The following ARHGAP42 variants were observed in gnomAD, a reference collection of about 807,000 sequenced individuals.
ARHGAP42 encodes Rho GTPase activating protein 42.
A neutral mutation model predicts 125.0 loss-of-function variants in ARHGAP42; 63 were observed. The ratio of observed to expected loss-of-function variants is 0.50; its 90% confidence interval spans 0.41 to 0.62. The LOEUF (loss-of-function observed/expected upper bound fraction) is 0.62. Ranked by LOEUF, ARHGAP42 falls within the 20% of genes least tolerant of loss-of-function variation. The pLI, the probability that ARHGAP42 is intolerant of heterozygous loss-of-function variation, is 0.00. For synonymous variants in ARHGAP42, 339 were observed against 351.0 expected (o/e 0.97, Z 0.38); for missense variants, 766 against 1,024.2 (o/e 0.75, Z 3.44).
intron 1 of ARHGAP42, among the ~76,000 whole-genome samples, chr11:100,740,066 AT>A (rs34223817): frequency 0.077 from 11,097 of 143,326 alleles, 457 homozygotes; most frequent in East Asian, 0.22. Flanking sequence ...TATTAGTACA[AT>A]TTTTTTTTTT....
At chr11:100,888,231 C>T (rs1453968165) in intron 4 of ARHGAP42, among the ~76,000 whole-genome samples, 4 of 128,962 alleles carry the variant, frequency 3.1e-5, no homozygotes, top group Admixed American at 1.8e-4. Context: ...AACAGCCTTT[C>T]CTTTTAAAAA....
At chr11:100,727,873 A>G (rs566095284) in intron 1 of ARHGAP42, among the ~76,000 whole-genome samples, 162 of 152,350 alleles carry the variant, frequency 1.1e-3, no homozygotes, top group Non-Finnish European at 1.9e-3. Flanking sequence ...TCTGATTTGT[A>G]GCCAAGTCGG....
At chr11:100,851,695 A>G (rs1865207413) in intron 3 of ARHGAP42, among the ~76,000 whole-genome samples, 1 of 151,866 alleles carries the variant, frequency 6.6e-6, no homozygotes, top group South Asian at 2.1e-4. Context: ...CCATGTATAC[A>G]ATGTTTGCAC....
At chr11:100,987,660 A>C (rs1858716294) in intron 23 of ARHGAP42, 68 bp downstream of exon 23, 1 of 1,421,144 alleles carries the variant, frequency 7.0e-7, no homozygotes, top group Non-Finnish European at 9.7e-7. Flanking sequence ...GTATGGTGGT[A>C]TGAGTCTAAA....
At chr11:100,918,983 TCA>T (rs927085623) in intron 5 of ARHGAP42, among the ~76,000 whole-genome samples, 2 of 152,264 alleles carry the variant, frequency 1.3e-5, no homozygotes, top group African/African-American at 4.8e-5. Context: ...CTTGGAGAAC[TCA>T]CAGGACTCAG....
At chr11:100,934,496 C>T (rs1357383063) in intron 7 of ARHGAP42, among the ~76,000 whole-genome samples, 2 of 152,124 alleles carry the variant, frequency 1.3e-5, no homozygotes, top group Non-Finnish European at 2.9e-5. Context: ...TCTAATGAAT[C>T]CTTTTAGTCT....
At chr11:100,908,670 T>G (rs568889058) in intron 4 of ARHGAP42, among the ~76,000 whole-genome samples, 1 of 152,280 alleles carries the variant, frequency 6.6e-6, no homozygotes, top group African/African-American at 2.4e-5. Context: ...GTTGATTCCA[T>G]GAGTTTGCTA....
At chr11:100,925,383 G>T (rs891281108) in intron 6 of ARHGAP42, among the ~76,000 whole-genome samples, 2 of 151,842 alleles carry the variant, frequency 1.3e-5, no homozygotes, top group African/African-American at 4.8e-5. Flanking sequence ...ATGCTATTTT[G>T]GATATATTGT....
intron 22 of ARHGAP42, among the ~76,000 whole-genome samples, chr11:100,982,446 C>G (rs533555369): frequency 6.6e-6 from 1 of 152,174 alleles, no homozygotes; most frequent in East Asian, 1.9e-4. Context: ...AGTTTGAGAA[C>G]CTTTGGAATA....
chr11:100,880,856 A>G (rs1865943193), intron 4 of ARHGAP42, among the ~76,000 whole-genome samples: 1 of 152,212 alleles, frequency 6.6e-6, no homozygotes, highest in East Asian at 1.9e-4. Flanking sequence ...AGTGATGTAG[A>G]GCATTTTTTC....
chr11:100,764,103 A>G (rs944713546), intron 1 of ARHGAP42, among the ~76,000 whole-genome samples: 2 of 150,940 alleles, frequency 1.3e-5, no homozygotes, highest in African/African-American at 4.9e-5. Context: ...GCACACTGCA[A>G]CCTTGAACTC....
intron 4 of ARHGAP42, among the ~76,000 whole-genome samples, chr11:100,902,878 G>A (rs948721707): frequency 3.3e-5 from 5 of 152,126 alleles, no homozygotes; most frequent in African/African-American, 1.2e-4. Context: ...GTTCCATGGG[G>A]TGAATTTTGA....
At chr11:100,746,797 G>T (rs1410042816) in intron 1 of ARHGAP42, among the ~76,000 whole-genome samples, 1 of 152,186 alleles carries the variant, frequency 6.6e-6, no homozygotes, top group East Asian at 1.9e-4. Context: ...CTAGTGGTAG[G>T]AATAGTAATG....
At chr11:100,764,025 C>CT (rs772607133) in intron 1 of ARHGAP42, among the ~76,000 whole-genome samples, 12,700 of 101,392 alleles carry the variant, frequency 0.13, 745 homozygotes, top group East Asian at 0.27. Context: ...TCTTCTTCTT[C>CT]TTTTTTTTTT....
chr11:100,836,691 G>C (rs77829982), intron 3 of ARHGAP42, among the ~76,000 whole-genome samples: 10,450 of 148,744 alleles, frequency 0.07, 510 homozygotes, highest in East Asian at 0.25. Context: ...CCTAATTTGA[G>C]ATGTGTAAGG....
At chr11:100,821,493 A>G (rs1864404396) in intron 3 of ARHGAP42, among the ~76,000 whole-genome samples, 2 of 151,990 alleles carry the variant, frequency 1.3e-5, no homozygotes, top group African/African-American at 4.8e-5. Context: ...CAAAATGACG[A>G]AAGAATCATC....
intron 2 of ARHGAP42, among the ~76,000 whole-genome samples, chr11:100,773,870 G>A (rs1717470828): frequency 6.6e-6 from 1 of 151,840 alleles, no homozygotes; most frequent in African/African-American, 2.4e-5. Flanking sequence ...TCAGGTTGGA[G>A]ATCAGGAGAT....
intron 8 of ARHGAP42, among the ~76,000 whole-genome samples, chr11:100,937,386 T>C (rs1867764831): frequency 6.6e-6 from 1 of 152,208 alleles, no homozygotes; most frequent in South Asian, 2.1e-4. Context: ...CAGTAGGGTA[T>C]ATAGATTTCA....
At chr11:100,962,652 G>A (rs1226281129) in intron 16 of ARHGAP42, among the ~76,000 whole-genome samples, 185 bp downstream of exon 16, 4 of 152,040 alleles carry the variant, frequency 2.6e-5, no homozygotes, top group Admixed American at 6.5e-5. Flanking sequence ...CAAGGCTGGC[G>A]GATCACCTGA....
Sources: gnomAD v4.1 joint callset for allele counts (sites outside exome capture counted in the v4.1 genomes callset) on GRCh38, gnomAD v4.1.1 for gene constraint, MANE v1.5 for transcripts, NCBI Gene and HGNC (gene_info 2026-07-23, HGNC 2026-07-21) for gene names.